PDGFRL: variants seen among roughly 807,000 people sequenced by gnomAD.
PDGFRL encodes platelet-derived growth factor receptor-like protein.
PDGFRL carries 46 observed loss-of-function variants against 37.2 expected under a neutral mutation model. That is an observed-to-expected ratio of 1.24 (90% CI 0.98 to 1.58). The LOEUF (loss-of-function observed/expected upper bound fraction) is 1.58, where lower values mean the gene tolerates loss of function less well. Ranked by LOEUF, PDGFRL falls within the 40% of genes most tolerant of loss-of-function variation. The pLI is 0.00. For synonymous variants in PDGFRL, 251 were observed against 184.3 expected (o/e 1.36, Z -2.93); for missense variants, 692 against 467.6 (o/e 1.48, Z -4.43).
chr8:17,623,543 G>T (rs1013781849), intron 3 of PDGFRL, among the ~76,000 whole-genome samples: 1 of 152,172 alleles, frequency 6.6e-6, no homozygotes, highest in Non-Finnish European at 1.5e-5. Flanking sequence ...TCGAGGTTTT[G>T]AACTGCAGGC....
chr8:17,610,327 C>T (rs1211787709), intron 2 of PDGFRL, among the ~76,000 whole-genome samples: 1 of 152,168 alleles, frequency 6.6e-6, no homozygotes, highest in East Asian at 1.9e-4. Flanking sequence ...AAGGGTTGGG[C>T]ATCCTAATCC....
Position 17,621,130 on chromosome 8 carries a change from G to T in PDGFRL, c.433G>T (p.Val145Leu), listed in dbSNP as rs889044291. Residue 145 changes from valine to leucine, a missense_variant, in exon 3 of 6, where the codon GTG becomes TTG. Coordinates refer to ENST00000251630, the MANE Select transcript of PDGFRL (RefSeq NM_001372073.1). ...AGACACAGGTGAATTCAGCTGCTGGGTGCAGCTCTGCAGCGGCTACATCTG... is the reference window on the plus strand; with the variant it reads ...AGACACAGGTGAATTCAGCTGCTGGTTGCAGCTCTGCAGCGGCTACATCTG... ...SADTGEFSCWVQLCSGYICRK... is the reference protein window; with the variant it reads ...SADTGEFSCWLQLCSGYICRK... 1 of 1,610,392 alleles carries T rather than the reference G, an allele frequency of 6.2e-7. No homozygotes were observed. The highest frequency in any genetic ancestry group is 8.5e-7 in the Non-Finnish European group (1 of 1,176,986).
intron 2 of PDGFRL, among the ~76,000 whole-genome samples, chr8:17,603,932 G>C (rs1030174407): frequency 3.3e-5 from 5 of 152,142 alleles, no homozygotes; most frequent in African/African-American, 4.8e-5. Context: ...GAAGTACCTA[G>C]AAGTGGGAAA....
chr8:17,578,752 A>G (rs534658001), intron 1 of PDGFRL, among the ~76,000 whole-genome samples: 64 of 152,330 alleles, frequency 4.2e-4, no homozygotes, highest in Non-Finnish European at 3.1e-4. Context: ...TGAGTTTATT[A>G]CAAACATCTG....
intron 2 of PDGFRL, among the ~76,000 whole-genome samples, chr8:17,597,606 A>G (rs1804082118): frequency 6.6e-6 from 1 of 152,196 alleles, no homozygotes; most frequent in Admixed American, 6.5e-5. Context: ...TACTTCAATG[A>G]ATTGATGTAT....
intron 3 of PDGFRL, among the ~76,000 whole-genome samples, chr8:17,627,358 G>C (rs993161768): frequency 1.3e-5 from 2 of 152,082 alleles, no homozygotes; most frequent in African/African-American, 2.4e-5. Context: ...TAAGTAATAC[G>C]TGTGTCATCT....
intron 2 of PDGFRL, among the ~76,000 whole-genome samples, chr8:17,609,634 TAAAAAAAA>T (rs3040922): frequency 2.5e-4 from 11 of 43,540 alleles, no homozygotes; most frequent in South Asian, 2.5e-3. Context: ...TGAGACTCTG[TAAAAAAAA>T]AAAAAAAAAA....
chr8:17,597,663 T>C (rs888847146), intron 2 of PDGFRL, among the ~76,000 whole-genome samples: 1 of 152,150 alleles, frequency 6.6e-6, no homozygotes, highest in Non-Finnish European at 1.5e-5. Flanking sequence ...AAACACAATA[T>C]GAAGAAAACA....
intron 2 of PDGFRL, among the ~76,000 whole-genome samples, chr8:17,612,465 G>A (rs1804439954): frequency 6.6e-6 from 1 of 152,004 alleles, no homozygotes; most frequent in African/African-American, 2.4e-5. Context: ...CTGCCTCCCG[G>A]GTTCAAGCTA....
At chr8:17,585,321 T>C (rs559594486) in intron 1 of PDGFRL, among the ~76,000 whole-genome samples, 38 of 152,220 alleles carry the variant, frequency 2.5e-4, no homozygotes, top group East Asian at 1.9e-4. Flanking sequence ...TGCTGCCCAG[T>C]GGTTCTCAGC....
At chr8:17,615,383 A>C (rs148725614) in intron 2 of PDGFRL, among the ~76,000 whole-genome samples, 29 of 152,220 alleles carry the variant, frequency 1.9e-4, no homozygotes, top group Non-Finnish European at 3.8e-4. Context: ...CACTCAGTCA[A>C]AATTGCTTCA....
At chr8:17,632,608 A>C (rs534598833) in intron 4 of PDGFRL, among the ~76,000 whole-genome samples, 1 of 152,324 alleles carries the variant, frequency 6.6e-6, no homozygotes, top group Non-Finnish European at 1.5e-5. Context: ...AAGTGCTGGG[A>C]TTACAGGAGT....
rs540608532 is a variant in PDGFRL, at chr8:17,607,944, C to T, written c.354-13107C>T. ...ATGTCAGAGGTTTGCCTCCAGTGTC[C>T]GGGCTTGGCTGCCTTGGCGGCTCCG... On this transcript the variant is annotated intron_variant, in intron 2 of 5. Transcript: ENST00000251630. 1.1e-4 allele frequency among the ~76,000 whole-genome samples: 16 copies of T among 152,322 alleles called. No individual in the cohort carries two copies. In the East Asian group the frequency reaches 1.7e-3, roughly 17 times the overall value.
Position 17,642,925 on chromosome 8 carries a change from C to A in PDGFRL, c.*124C>A. On this transcript the variant is annotated 3_prime_UTR_variant, in exon 6 of 6. Coordinates refer to ENST00000251630, the MANE Select transcript of PDGFRL (RefSeq NM_001372073.1). Reference sequence around the variant, plus strand: ...AAGCACCACACCCCAACCCCAGCGTCTCGTGAGTCCGACCCAGACATCCAA... The same window carrying A: ...AAGCACCACACCCCAACCCCAGCGTATCGTGAGTCCGACCCAGACATCCAA... The A allele has an allele frequency of 6.3e-6, 4 of 630,808 alleles. No individual in the cohort carries two copies. Among genetic ancestry groups the A allele is most frequent in the Non-Finnish European group, 1.1e-5 (4 of 357,558 alleles). The allele number at this position is 630,808 out of a possible 1,614,324, so 39.1% of individuals were successfully genotyped here.
intron 3 of PDGFRL, among the ~76,000 whole-genome samples, chr8:17,623,252 G>A (rs551130945): frequency 1.3e-5 from 2 of 152,300 alleles, no homozygotes; most frequent in East Asian, 3.9e-4. Flanking sequence ...GTGAAGGATG[G>A]ACTGATAGCC....
At chr8:17,603,898 C>A (rs531041232) in intron 2 of PDGFRL, among the ~76,000 whole-genome samples, 1 of 151,944 alleles carries the variant, frequency 6.6e-6, no homozygotes, top group Non-Finnish European at 1.5e-5. Context: ...TAAGGAAATT[C>A]CAGAAAGAGA....
In PDGFRL at chr8:17,601,990, G is replaced by T. The variant is rs552091929; in HGVS notation, c.353+12225G>T. On this transcript the variant is annotated intron_variant, in intron 2 of 5. Coordinates refer to ENST00000251630, the MANE Select transcript of PDGFRL (RefSeq NM_001372073.1). ...TTCCTTTGGATACATACTTGGTAATGGGATTGCTGGCCCACATGGTAGCTC... is the reference window on the plus strand; with the variant it reads ...TTCCTTTGGATACATACTTGGTAATTGGATTGCTGGCCCACATGGTAGCTC... Among the ~76,000 whole-genome samples the T allele has an allele frequency of 2.6e-5, 4 of 152,294 alleles. No homozygotes were observed. In the East Asian group the frequency reaches 7.7e-4, roughly 29 times the overall value.
intron 3 of PDGFRL, among the ~76,000 whole-genome samples, chr8:17,622,617 C>T (rs1028356155): frequency 1.3e-5 from 2 of 152,184 alleles, no homozygotes; most frequent in African/African-American, 4.8e-5. Flanking sequence ...CTCCTTAGTT[C>T]AGAGATCCAA....
intron 2 of PDGFRL, among the ~76,000 whole-genome samples, chr8:17,595,006 T>C (rs1371853951): frequency 3.0e-4 from 1 of 3,344 alleles, no homozygotes; most frequent in African/African-American, 3.2e-4. Context: ...ACCACGTACA[T>C]TTTTTTTTTT....
Sources: gnomAD v4.1 joint callset for allele counts (sites outside exome capture counted in the v4.1 genomes callset) on GRCh38, gnomAD v4.1.1 for gene constraint, MANE v1.5 for transcripts, NCBI Gene and HGNC (gene_info 2026-07-23, HGNC 2026-07-21) for gene names.